Variants in TRIM33 observed in about 807,000 individuals in gnomAD.
TRIM33 encodes E3 ubiquitin-protein ligase TRIM33.
In TRIM33, 20 loss-of-function variants were observed where a neutral mutation model predicts 125.4. That is an observed-to-expected ratio of 0.16 (90% CI 0.11 to 0.23). TRIM33 has a LOEUF of 0.23. Ranked by LOEUF, TRIM33 falls within the 10% of genes least tolerant of loss-of-function variation. The pLI is 1.00. For synonymous variants in TRIM33, 564 were observed against 513.9 expected (o/e 1.10, Z -1.32); for missense variants, 920 against 1,411.4 (o/e 0.65, Z 5.58).
At chr1:114,441,789 T>G (rs1648671499) in intron 4 of TRIM33, among the ~76,000 whole-genome samples, 1 of 152,196 alleles carries the variant, frequency 6.6e-6, no homozygotes, top group Admixed American at 6.5e-5. Context: ...CTTCCTCAAG[T>G]CTTCTCTCCT....
At chr1:114,403,554 G>A (rs966497238) in intron 15 of TRIM33, among the ~76,000 whole-genome samples, 4 of 151,612 alleles carry the variant, frequency 2.6e-5, no homozygotes, top group Admixed American at 2.0e-4. Flanking sequence ...TATTTTTTTT[G>A]AGACACAGTT....
intron 1 of TRIM33, among the ~76,000 whole-genome samples, chr1:114,480,279 A>G (rs1246865320): frequency 1.3e-5 from 2 of 152,140 alleles, no homozygotes; most frequent in East Asian, 3.9e-4. Flanking sequence ...GCTTGAAGGC[A>G]GTATGCTCCT....
At chr1:114,426,524 A>ATTT (rs1234169351) in intron 8 of TRIM33, among the ~76,000 whole-genome samples, 266 of 127,982 alleles carry the variant, frequency 2.1e-3, no homozygotes, top group Middle Eastern at 8.2e-3. Context: ...TTTTTTTTTA[A>ATTT]AAAAAAAGGG....
intron 1 of TRIM33, among the ~76,000 whole-genome samples, chr1:114,496,200 T>C (rs1652359460): frequency 6.6e-6 from 1 of 152,216 alleles, no homozygotes; most frequent in African/African-American, 2.4e-5. Flanking sequence ...ACATTAGCTT[T>C]TTGCTTAAGT....
intron 4 of TRIM33, among the ~76,000 whole-genome samples, chr1:114,447,523 T>A (rs1649059811): frequency 6.6e-6 from 1 of 152,148 alleles, no homozygotes; most frequent in South Asian, 2.1e-4. Flanking sequence ...GTGGGAGATG[T>A]CAGAGTCTGT....
At chr1:114,410,148 G>C (rs375002077) in intron 12 of TRIM33, 36 bp downstream of exon 12, 4 of 1,608,614 alleles carry the variant, frequency 2.5e-6, no homozygotes, top group East Asian at 4.5e-5. Context: ...GTTTTTTTAA[G>C]GTGTTAAAAA....
rs35575166 is a variant in TRIM33 at position 114,470,638 on chromosome 1, TAACAAC to T, written c.527-6256_527-6251del. On this transcript the variant is annotated intron_variant, in intron 1 of 19. Transcript: ENST00000358465. ...AATCGATTCAGCATGACTTGGTCAATAACAACAACAACAACAACAACAACAAGTCAA... is the reference window on the plus strand; with the variant it reads ...AATCGATTCAGCATGACTTGGTCAATAACAACAACAACAACAACAAGTCAA... 3.2e-4 allele frequency among the ~76,000 whole-genome samples: 48 copies of T among 151,422 alleles called. No individual in the cohort carries two copies. In the East Asian group the frequency reaches 5.2e-3, roughly 16 times the overall value.
At chr1:114,499,666 C>T (rs1423135118) in intron 1 of TRIM33, among the ~76,000 whole-genome samples, 1 of 151,998 alleles carries the variant, frequency 6.6e-6, no homozygotes, top group Non-Finnish European at 1.5e-5. Context: ...TGCAAAATAC[C>T]CTCTGGAGGC....
chr1:114,489,747 A>AAAAT (rs1009594783), intron 1 of TRIM33, among the ~76,000 whole-genome samples: 5 of 152,050 alleles, frequency 3.3e-5, no homozygotes, highest in African/African-American at 9.7e-5. Context: ...CCTGTCTCAA[A>AAAAT]AAATAAATAA....
chr1:114,456,843 G>A (rs73005396), intron 4 of TRIM33, among the ~76,000 whole-genome samples: 9,606 of 152,170 alleles, frequency 0.063, 324 homozygotes, highest in African/African-American at 0.086. Flanking sequence ...AAAAGTTTGG[G>A]GAATTAGGGG....
At chr1:114,426,224 G>A (rs1275566392) in intron 8 of TRIM33, among the ~76,000 whole-genome samples, 1 of 152,094 alleles carries the variant, frequency 6.6e-6, no homozygotes, top group Non-Finnish European at 1.5e-5. Context: ...GCTTTTTATG[G>A]AGCCATTGCC....
intron 4 of TRIM33, among the ~76,000 whole-genome samples, chr1:114,454,389 A>G (rs757589740): frequency 1.1e-4 from 16 of 152,154 alleles, no homozygotes; most frequent in Non-Finnish European, 1.5e-4. Flanking sequence ...ATGCAAACTA[A>G]TAAGAAAAAA....
chr1:114,421,869 G>C (rs1647225532), intron 10 of TRIM33, among the ~76,000 whole-genome samples: 1 of 152,120 alleles, frequency 6.6e-6, no homozygotes, highest in Non-Finnish European at 1.5e-5. Flanking sequence ...CATCAGCCTG[G>C]TGATATGATC....
rs1239873481 is a variant in TRIM33, at chr1:114,405,579, G to A, written c.2599C>T (p.Leu867Phe). 2 of 1,614,174 alleles carry A rather than the reference G, an allele frequency of 1.2e-6. No individual in the cohort carries two copies. The highest frequency in any genetic ancestry group is 2.2e-5 in the South Asian group (2 of 91,084). The change falls in exon 15 of 20, where the codon CTC (leucine) becomes TTC (phenylalanine). Residue 867 changes from leucine to phenylalanine, a missense_variant. Leu to Phe is a conservative substitution (Grantham distance 22, BLOSUM62 0). Transcript: ENST00000358465. ...LVNGKSPIRS[L>F]MHRSARIGGD... ...CCAATCCTTGCCGACCTGTGCATGAGGCTTCGAATTGGGGACTTTCCATTA... is the reference window on the plus strand; with the variant it reads ...CCAATCCTTGCCGACCTGTGCATGAAGCTTCGAATTGGGGACTTTCCATTA...
At chr1:114,450,446 G>A (rs995232579) in intron 4 of TRIM33, among the ~76,000 whole-genome samples, 5 of 152,028 alleles carry the variant, frequency 3.3e-5, no homozygotes, top group South Asian at 2.1e-4. Context: ...ATTCTCGTGC[G>A]TCAGCCTCCC....
chr1:114,491,575 GTAGA>G (rs1238015312), intron 1 of TRIM33, among the ~76,000 whole-genome samples: 3 of 152,162 alleles, frequency 2.0e-5, no homozygotes, highest in Non-Finnish European at 2.9e-5. Context: ...GCTAAAGTAG[GTAGA>G]TAAAGCTTGA....
At chr1:114,476,512 G>A (rs935468579) in intron 1 of TRIM33, among the ~76,000 whole-genome samples, 2 of 151,888 alleles carry the variant, frequency 1.3e-5, no homozygotes, top group African/African-American at 4.8e-5. Flanking sequence ...ACAGAAGTAT[G>A]AGAACAGAAT....
At chr1:114,463,608 TAAAAA>T (rs34437690) in intron 2 of TRIM33, 52 bp from the exon 3 acceptor site, 2 of 829,550 alleles carry the variant, frequency 2.4e-6, no homozygotes, top group South Asian at 3.5e-5. Context: ...AATCTAGATC[TAAAAA>T]AAAAAAAAAA....
chr1:114,432,129 A>G (rs1322452261), intron 5 of TRIM33, among the ~76,000 whole-genome samples: 1 of 152,226 alleles, frequency 6.6e-6, no homozygotes, highest in Non-Finnish European at 1.5e-5. Flanking sequence ...AAAACTTTCT[A>G]CAGATGAAAT....
Sources: gnomAD v4.1 joint callset for allele counts (sites outside exome capture counted in the v4.1 genomes callset) on GRCh38, gnomAD v4.1.1 for gene constraint, MANE v1.5 for transcripts, NCBI Gene and HGNC (gene_info 2026-07-23, HGNC 2026-07-21) for gene names.